The following ADGRG4 variants were observed in gnomAD, a reference collection of about 807,000 sequenced individuals.
ADGRG4 encodes adhesion G protein-coupled receptor G4.
A neutral mutation model predicts 126.2 loss-of-function variants in ADGRG4; 122 were observed. The observed-to-expected ratio is 0.97, with a 90% CI of 0.83 to 1.12. The LOEUF is 1.12. ADGRG4 is among the 50% of genes most tolerant of loss of function. The pLI, the probability that ADGRG4 is intolerant of heterozygous loss-of-function variation, is 0.00. For missense variants in ADGRG4, 2,481 were observed against 2,251.8 expected (o/e 1.10, Z -2.06); for synonymous variants, 943 against 838.7 (o/e 1.12, Z -2.15).
At chrX:136,398,113 C>T (rs1260177592) in intron 20 of ADGRG4, 111 bp downstream of exon 20, 10 of 672,579 alleles carry the variant, frequency 1.5e-5, no homozygotes, top group Middle Eastern at 3.5e-4. Flanking sequence ...GAAGTCAGAT[C>T]CATTAGCTTA....
chrX:136,349,048 C>G lies in ADGRG4; in HGVS notation c.5342C>G (p.Thr1781Arg). Residue 1781 changes from threonine (T) to arginine (R), a missense_variant, in exon 6 of 26, where the codon ACA becomes AGA. Thr to Arg is a moderately conservative substitution (Grantham distance 71, BLOSUM62 -1). Transcript: ENST00000394143. ...LTSFKSASGP[T>R]KNVKTTTNCF... ...AGCTTTAAGAGTGCTTCTGGACCCA[C>G]AAAAAATGTTAAAACAACCACCAAT... 8.3e-7 allele frequency: 1 copy of G among 1,206,007 alleles called. No individual in the cohort carries two copies. Among genetic ancestry groups the G allele is most frequent in the Non-Finnish European group, 1.1e-6 (1 of 892,121 alleles).
chrX:136,408,068 A>G (rs1440217969), intron 23 of ADGRG4, among the ~76,000 whole-genome samples: 4 of 112,015 alleles, frequency 3.6e-5, no homozygotes, highest in Non-Finnish European at 7.5e-5. Flanking sequence ...GGTTAAAGGA[A>G]AGCTGGCAAA....
At position 136,347,909 on chromosome X, in the gene ADGRG4, C is replaced by G; in HGVS notation, c.4203C>G (p.Thr1401=). 8.3e-7 allele frequency: 1 copy of G among 1,208,478 alleles called. No individual in the cohort carries two copies. ...PRTVEMIVNS[T]YVTHSVSYGQ... is the part of the protein sequence containing the mutation. ...CTGTGGAAATGATAGTAAACTCCAC[C>G]TATGTGACTCACTCTGTCTCATATG... Residue 1401 remains threonine (T), a synonymous_variant, in exon 6 of 26, where the codon ACC becomes ACG. Coordinates refer to ENST00000394143, the MANE Select transcript of ADGRG4 (RefSeq NM_153834.4).
intron 8 of ADGRG4, 53 bp downstream of exon 8, chrX:136,353,454 G>A (rs1054579655): frequency 1.8e-5 from 15 of 849,508 alleles, no homozygotes; most frequent in Non-Finnish European, 2.5e-5. Context: ...GGCATTTTGG[G>A]TCTGTTCCTA....
At chrX:136,317,297 G>A (rs1044835978) in intron 4 of ADGRG4, among the ~76,000 whole-genome samples, 1 of 109,155 alleles carries the variant, frequency 9.2e-6, no homozygotes, top group African/African-American at 3.3e-5. Context: ...TCAGGAGATC[G>A]AGACCATCCT....
Position 136,322,936 on chromosome X carries a change from A to G in ADGRG4, c.229A>G (p.Ile77Val). 1 of 1,211,178 alleles carries G rather than the reference A, an allele frequency of 8.3e-7. No homozygotes were observed. The highest frequency in any genetic ancestry group is 1.1e-6 in the Non-Finnish European group (1 of 894,864). Residue 77 changes from isoleucine to valine, a missense_variant, in exon 5 of 26, where the codon ATT becomes GTT. Physicochemically the swap from Ile to Val is conservative, Grantham distance 29 (BLOSUM62 3). Transcript: ENST00000394143. ...AAGGTATTGGATGGCCTTCTCTTAT[A>G]TTACTAATAACGCCCTCCTGGGCAG... is the stretch of plus-strand genomic sequence containing the variant. ...NSRYWMAFSY[I>V]TNNALLGRED... is the part of the protein sequence containing the mutation.
intron 1 of ADGRG4, among the ~76,000 whole-genome samples, chrX:136,301,363 C>T (rs1321053212): frequency 8.9e-6 from 1 of 112,320 alleles, no homozygotes; most frequent in African/African-American, 3.2e-5. Context: ...TTTCATGTGT[C>T]TTTTGGCTGC....
At chrX:136,312,883 C>G (rs1171873703) in intron 4 of ADGRG4, among the ~76,000 whole-genome samples, 2 of 111,736 alleles carry the variant, frequency 1.8e-5, no homozygotes. Context: ...CTATTCTGGA[C>G]GTTTCAGGTA....
intron 12 of ADGRG4, 36 bp from the exon 13 acceptor site, chrX:136,363,435 GCCTCAT>G: frequency 1.1e-6 from 1 of 877,692 alleles, no homozygotes; most frequent in Non-Finnish European, 1.7e-6. Context: ...GACTATCTTT[GCCTCAT>G]CCTCTGATGA....
intron 13 of ADGRG4, among the ~76,000 whole-genome samples, chrX:136,364,699 G>A (rs748392109): frequency 3.6e-5 from 4 of 111,942 alleles, no homozygotes; most frequent in Non-Finnish European, 7.5e-5. Flanking sequence ...TATTGTCTAA[G>A]CAGCTGATAT....
rs575031496 is a variant in ADGRG4, at chrX:136,309,607, G to A, written c.70+760G>A. On this transcript the variant is annotated intron_variant, in intron 4 of 25. Coordinates refer to ENST00000394143, the MANE Select transcript of ADGRG4 (RefSeq NM_153834.4). ...TGTTTAATTTGAACGGTCCTCAAGCGTAAGAGCTAATCTGCAAAAATACCA... is the reference window on the plus strand; with the variant it reads ...TGTTTAATTTGAACGGTCCTCAAGCATAAGAGCTAATCTGCAAAAATACCA... Among the ~76,000 whole-genome samples the A allele has an allele frequency of 8.0e-5, 9 of 111,966 alleles. No homozygotes were observed. In the Middle Eastern group the frequency reaches 0.014, roughly 171 times the overall value.
chrX:136,357,083 C>T (rs1031866434), intron 9 of ADGRG4, among the ~76,000 whole-genome samples: 2 of 112,262 alleles, frequency 1.8e-5, no homozygotes, highest in Admixed American at 9.4e-5. Flanking sequence ...CTGTAAATAG[C>T]TGAGTCAGAA....
At position 136,340,957 on chromosome X, in the gene ADGRG4, G is replaced by A. The variant is rs2074975658; in HGVS notation, c.686-3435G>A. ...AACCTTGCATCTGAAAGATTTAATGGAAGGTTTGCTGAAATATACAAACCC... is the reference window on the plus strand; with the variant it reads ...AACCTTGCATCTGAAAGATTTAATGAAAGGTTTGCTGAAATATACAAACCC... On this transcript the variant is annotated intron_variant, in intron 5 of 25. Transcript: ENST00000394143. Among the ~76,000 whole-genome samples the A allele has an allele frequency of 9.8e-5, 11 of 112,091 alleles. 2 individuals are homozygous for A. The South Asian group carries it at 4.1e-3, about 42-fold the overall frequency.
chrX:136,308,101 G>A (rs2074745095), intron 3 of ADGRG4, among the ~76,000 whole-genome samples: 2 of 112,449 alleles, frequency 1.8e-5, no homozygotes, highest in Non-Finnish European at 3.8e-5. Context: ...TCACATTTTG[G>A]TTTTTTGTTT....
intron 5 of ADGRG4, among the ~76,000 whole-genome samples, chrX:136,338,454 T>C (rs947207421): frequency 1.2e-4 from 13 of 111,623 alleles, no homozygotes; most frequent in African/African-American, 4.2e-4. Context: ...GGCCCCATTT[T>C]TTTTCCAAAT....
chrX:136,317,628 A>G (rs1030986696), intron 4 of ADGRG4, among the ~76,000 whole-genome samples: 3 of 111,922 alleles, frequency 2.7e-5, no homozygotes, highest in African/African-American at 9.7e-5. Context: ...ACATCAAAAG[A>G]CACTATCAAG....
Position 136,346,413 on chromosome X carries a change from A to G in ADGRG4, c.2707A>G (p.Thr903Ala). The change falls in exon 6 of 26, where the codon ACA becomes GCA. Residue 903 changes from threonine to alanine, a missense_variant. Physicochemically the swap from Thr to Ala is moderately conservative, Grantham distance 58. Transcript: ENST00000394143. ...TACCCCATTGGATAATAAAACTGCA[A>G]CAACTGAGGTGAGAGAAAGTTGGCT... ...LSTPLDNKTA[T>A]TEVRESWLLT... The G allele has an allele frequency of 8.3e-7, 1 of 1,211,106 alleles. No homozygotes were observed. Among genetic ancestry groups the G allele is most frequent in the Non-Finnish European group, 1.1e-6 (1 of 894,945 alleles).
At position 136,323,247 on chromosome X, in the gene ADGRG4, C is replaced by A. The variant is rs374369040; in HGVS notation, c.540C>A (p.Gly180=). ...EVKSMMRSFP[G]SLYYFQLWDH... ...AAAGCATGATGCGTAGCTTTCCTGG[C>A]AGCTTGTACTACTTTCAACTCTGGG... The change falls in exon 5 of 26, where the codon GGC becomes GGA. Residue 180 remains glycine (G), a synonymous_variant. Transcript: ENST00000394143. 2.6e-5 allele frequency: 32 copies of A among 1,209,434 alleles called. No homozygotes were observed. Among genetic ancestry groups the A allele is most frequent in the Non-Finnish European group, 3.4e-5 (30 of 895,080 alleles).
chrX:136,346,670 G>A lies in ADGRG4; in HGVS notation c.2964G>A (p.Thr988=), dbSNP rs138692081. The A allele has an allele frequency of 2.8e-3, 3,442 of 1,208,657 alleles. 9 individuals carry two copies. The highest frequency in any genetic ancestry group is 3.0e-3 in the Non-Finnish European group (2,668 of 894,286). Residue 988 remains threonine (T), a synonymous_variant, in exon 6 of 26, where the codon ACG becomes ACA. Transcript: ENST00000394143. ...CTACCCCTACAGACAGGACAGCTAC[G>A]TCCTTGTCTGATGGTATCTTACCTC... ...FSTTPTDRTA[T]SLSDGILPPQ... is the part of the protein sequence containing the mutation.
Sources: gnomAD v4.1 joint callset for allele counts (sites outside exome capture counted in the v4.1 genomes callset) on GRCh38, gnomAD v4.1.1 for gene constraint, MANE v1.5 for transcripts, NCBI Gene and HGNC (gene_info 2026-07-23, HGNC 2026-07-21) for gene names.